The following ADGRV1 variants were observed in gnomAD, a reference collection of about 807,000 sequenced individuals.
ADGRV1 encodes the protein G-protein coupled receptor 98.
A neutral mutation model predicts 596.2 loss-of-function variants in ADGRV1; 359 were observed. The observed-to-expected ratio is 0.60, with a 90% CI of 0.55 to 0.66. The LOEUF is 0.66. ADGRV1 is among the 30% of genes least tolerant of loss of function. The probability of loss-of-function intolerance (pLI) is 0.00; values close to 1 mark genes in which losing one functional copy is unlikely to be tolerated. For synonymous variants in ADGRV1, 2,681 were observed against 2,679.2 expected, an observed-to-expected ratio of 1.00 and a Z score of -0.02; for missense variants, 7,274 against 7,575.6, an observed-to-expected ratio of 0.96 and a Z score of 1.48.
At chr5:90,571,665 A>C (rs1756543720) in intron 1 of ADGRV1, among the ~76,000 whole-genome samples, 1 of 152,152 alleles carries the variant, frequency 6.6e-6, no homozygotes. Flanking sequence ...TGAAGTCTTC[A>C]AGAAACCACT....
In ADGRV1 at chr5:90,810,294, A is replaced by G. The variant is rs1367626513; in HGVS notation, c.15034A>G (p.Arg5012Gly). The G allele has an allele frequency of 6.2e-7, 1 of 1,605,092 alleles. No individual in the cohort carries two copies. The highest frequency in any genetic ancestry group is 1.1e-5 in the South Asian group (1 of 89,134). The stretch of plus-strand genomic sequence containing the variant: ...CGTCTTCCAATTTTCCACTAGCTCA[A>G]GAAATATCATAGTGTCAGAAGATAC... The part of the protein sequence containing the change: ...MGVFQFSTSS[R>G]NIIVSEDTQM... Residue 5012 changes from arginine to glycine, a missense_variant, in exon 74 of 90, where the codon AGA (arginine) becomes GGA (glycine). Physicochemically the swap from Arg to Gly is moderately radical, Grantham distance 125. This residue lies in a region of ADGRV1 where 1,874 missense variants were observed against 1,970.2 expected (regional missense o/e 0.95). Coordinates refer to ENST00000405460, the MANE Select transcript of ADGRV1 (RefSeq NM_032119.4).
Position 91,153,442 on chromosome 5 carries a change from C to G in ADGRV1, c.18802+44C>G, listed in dbSNP as rs41311337. 2.2e-3 allele frequency: 2,955 copies of G among 1,367,906 alleles called. 24 individuals are homozygous for G. Among genetic ancestry groups the G allele is most frequent in the Non-Finnish European group, 1.4e-3 (1,414 of 1,007,190 alleles). 84.7% of individuals were successfully genotyped at this position (1,367,906 alleles called of 1,614,324 possible). A position where few individuals can be genotyped will look rare whatever the true frequency, so the allele number is the denominator to read the frequency against. Reference sequence around the variant, plus strand: ...ACGACATTAGAAGTAGGCACTCTTGCTATGTTACAATTTATATTTTCTTTC... The same window carrying G: ...ACGACATTAGAAGTAGGCACTCTTGGTATGTTACAATTTATATTTTCTTTC... On this transcript the variant is annotated intron_variant, in intron 89 of 89. Coordinates refer to ENST00000405460, the MANE Select transcript of ADGRV1 (RefSeq NM_032119.4).
intron 84 of ADGRV1, among the ~76,000 whole-genome samples, chr5:90,983,597 C>T (rs17633569): frequency 0.5 from 76,068 of 151,906 alleles, 20,650 homozygotes; most frequent in African/African-American, 0.71. Context: ...GTATTGATTA[C>T]CCCAGCAACA....
At position 91,044,205 on chromosome 5, in the gene ADGRV1, C is replaced by T. The variant is rs184791813; in HGVS notation, c.18153-28242C>T. Among the ~76,000 whole-genome samples, 587 of 152,210 alleles carry T rather than the reference C, an allele frequency of 3.9e-3. 4 individuals carry two copies. The highest frequency in any genetic ancestry group is 0.014 in the African/African-American group (564 of 41,552). Reference sequence around the variant, plus strand: ...GATCTTGGTTTAGGCTGTGCTTGCACTGAATTGAACACTAAGCTCATATGA... The same window carrying T: ...GATCTTGGTTTAGGCTGTGCTTGCATTGAATTGAACACTAAGCTCATATGA... On this transcript the variant is annotated intron_variant, in intron 85 of 89. Transcript: ENST00000405460.
chr5:90,859,856 C>T (rs1767373448), intron 82 of ADGRV1, among the ~76,000 whole-genome samples: 1 of 151,116 alleles, frequency 6.6e-6, no homozygotes, highest in Non-Finnish European at 1.5e-5. Context: ...TTAATCTCAG[C>T]ACTTTGGGAG....
chr5:91,074,019 A>C (rs187533728), intron 86 of ADGRV1, among the ~76,000 whole-genome samples: 49 of 152,352 alleles, frequency 3.2e-4, no homozygotes, highest in African/African-American at 1.1e-3. Flanking sequence ...TTTAAGGTTA[A>C]TTAATTAATC....
At chr5:90,679,705 AC>A in intron 26 of ADGRV1, 76 bp downstream of exon 26, 1 of 879,692 alleles carries the variant, frequency 1.1e-6, no homozygotes, top group East Asian at 2.6e-5. Context: ...AATACTAACC[AC>A]TTATTGACAC....
chr5:90,900,581 C>CA (rs1293546965), intron 83 of ADGRV1, among the ~76,000 whole-genome samples: 3 of 151,036 alleles, frequency 2.0e-5, no homozygotes, highest in Admixed American at 1.3e-4. Flanking sequence ...ATTTCAAGTG[C>CA]AAAAAAAAAT....
chr5:90,733,551 C>T (rs1053601921), intron 50 of ADGRV1, among the ~76,000 whole-genome samples: 3 of 152,186 alleles, frequency 2.0e-5, no homozygotes, highest in Non-Finnish European at 2.9e-5. Flanking sequence ...TGCCCAACTA[C>T]TGCTTTCTTT....
At position 91,093,479 on chromosome 5, in the gene ADGRV1, C is replaced by T. The variant is rs182974955; in HGVS notation, c.18311-8740C>T. Reference sequence around the variant, plus strand: ...GCAGGGTCATATCGACAAGTCACATCAACAATTCTTTTATTGAACAAACAT... The same window carrying T: ...GCAGGGTCATATCGACAAGTCACATTAACAATTCTTTTATTGAACAAACAT... On this transcript the variant is annotated intron_variant, in intron 86 of 89. Transcript: ENST00000405460. Among the ~76,000 whole-genome samples, 138 of 152,338 alleles carry T rather than the reference C, an allele frequency of 9.1e-4. 1 individual carries two copies. The Middle Eastern group carries it at 0.01, about 11-fold the overall frequency.
intron 85 of ADGRV1, among the ~76,000 whole-genome samples, chr5:90,998,594 C>A (rs185954080): frequency 2.0e-5 from 3 of 151,938 alleles, no homozygotes; most frequent in Admixed American, 6.6e-5. Flanking sequence ...GATGAATATC[C>A]ATATATAGGT....
At chr5:90,672,444 T>G in intron 21 of ADGRV1, 102 bp from the exon 22 acceptor site, 5 of 885,844 alleles carry the variant, frequency 5.6e-6, no homozygotes, top group Non-Finnish European at 8.6e-6. Context: ...GGTAGAAAGT[T>G]GTAGAATTAA....
At chr5:91,068,817 A>G (rs540418658) in intron 85 of ADGRV1, among the ~76,000 whole-genome samples, 2 of 150,938 alleles carry the variant, frequency 1.3e-5, no homozygotes, top group African/African-American at 4.9e-5. Flanking sequence ...AAAAAAAAAA[A>G]TAGCCTGAAT....
chr5:90,989,423 A>G lies in ADGRV1; in HGVS notation c.18152+3901A>G, dbSNP rs1403295706. Among the ~76,000 whole-genome samples the G allele has an allele frequency of 3.9e-5, 6 of 152,264 alleles. No homozygotes were observed. In the East Asian group the frequency reaches 7.7e-4, roughly 20 times the overall value. On this transcript the variant is annotated intron_variant, in intron 85 of 89. Transcript: ENST00000405460. ...TTCTACTTCTTTCACCTTACACTCA[A>G]TATTCTATAATCATGAATTATTTTC...
At chr5:90,688,734 G>T (rs916099299) in intron 29 of ADGRV1, among the ~76,000 whole-genome samples, 1 of 152,152 alleles carries the variant, frequency 6.6e-6, no homozygotes, top group Non-Finnish European at 1.5e-5. Context: ...ACAAATCAAT[G>T]AAAAGTAAAC....
intron 89 of ADGRV1, among the ~76,000 whole-genome samples, chr5:91,163,095 T>C (rs1797090961): frequency 6.6e-6 from 1 of 152,204 alleles, no homozygotes; most frequent in South Asian, 2.1e-4. Context: ...CTAGCATAGT[T>C]TTTTCTCAAT....
chr5:90,961,117 A>G (rs1016098979), intron 83 of ADGRV1, among the ~76,000 whole-genome samples: 2 of 152,138 alleles, frequency 1.3e-5, no homozygotes, highest in African/African-American at 4.8e-5. Context: ...ATGCTCGATA[A>G]CAAAATGCTC....
chr5:90,669,883 A>AT (rs1772188667), intron 21 of ADGRV1, among the ~76,000 whole-genome samples: 1 of 152,202 alleles, frequency 6.6e-6, no homozygotes, highest in Non-Finnish European at 1.5e-5. Flanking sequence ...CATTGGAACA[A>AT]TTTCATGATT....
intron 83 of ADGRV1, among the ~76,000 whole-genome samples, chr5:90,868,291 A>T (rs768980764): frequency 8.9e-4 from 135 of 152,108 alleles, no homozygotes; most frequent in Non-Finnish European, 1.3e-3. Context: ...CCATTAATTA[A>T]TTTTTTTAGT....
Sources: gnomAD v4.1 joint callset for allele counts (sites outside exome capture counted in the v4.1 genomes callset) on GRCh38, gnomAD v4.1.1 for gene constraint, gnomAD v4.1.1 regional missense constraint, MANE v1.5 for transcripts, NCBI Gene and HGNC (gene_info 2026-07-23, HGNC 2026-07-21) for gene names.